DLEU7: variants seen among roughly 807,000 people sequenced by gnomAD.
DLEU7 encodes leukemia-associated protein 7.
Under a neutral mutation model 16.0 loss-of-function variants are expected in DLEU7, and 17 were observed. The observed-to-expected ratio is 1.06, with a 90% CI of 0.73 to 1.59. The LOEUF (loss-of-function observed/expected upper bound fraction) is 1.59. Among genes scored for constraint, DLEU7 ranks in the 40% most tolerant of loss-of-function variants. The probability of loss-of-function intolerance (pLI) is 0.00; values close to 1 mark genes in which losing one functional copy is unlikely to be tolerated. For missense variants in DLEU7, 308 were observed against 314.9 expected (o/e 0.98, Z 0.17); for synonymous variants, 113 against 139.8 (o/e 0.81, Z 1.35).
chr13:50,739,817 A>G (rs1874198797), intron 1 of DLEU7, among the ~76,000 whole-genome samples: 2 of 152,094 alleles, frequency 1.3e-5, no homozygotes, highest in Admixed American at 1.3e-4. Context: ...GCACAGTCCA[A>G]CCCTACCTAG....
chr13:50,733,700 C>T (rs1566232734), intron 1 of DLEU7, among the ~76,000 whole-genome samples: 1 of 152,168 alleles, frequency 6.6e-6, no homozygotes, highest in East Asian at 1.9e-4. Flanking sequence ...AACAATTCTC[C>T]TTCCACAGTT....
intron 1 of DLEU7, among the ~76,000 whole-genome samples, chr13:50,751,281 C>T (rs995509535): frequency 1.3e-5 from 2 of 152,152 alleles, no homozygotes; most frequent in African/African-American, 2.4e-5. Context: ...GTATGAAACC[C>T]ACTTGATCGT....
chr13:50,730,664 G>C (rs1016982436), intron 1 of DLEU7, among the ~76,000 whole-genome samples: 17 of 152,106 alleles, frequency 1.1e-4, no homozygotes, highest in African/African-American at 4.1e-4. Flanking sequence ...TGGAATTTCT[G>C]TGGTTGTGTT....
At chr13:50,724,740 G>A (rs193123312) in intron 1 of DLEU7, among the ~76,000 whole-genome samples, 22 of 152,184 alleles carry the variant, frequency 1.4e-4, no homozygotes, top group African/African-American at 4.8e-4. Flanking sequence ...CAGGCTATCG[G>A]CCCATCGCAT....
At chr13:50,764,584 C>G (rs545536536) in intron 1 of DLEU7, among the ~76,000 whole-genome samples, 1 of 152,298 alleles carries the variant, frequency 6.6e-6, no homozygotes, top group African/African-American at 2.4e-5. Flanking sequence ...CTATGAACCC[C>G]TAATCTTAGT....
chr13:50,724,984 G>A (rs2812237), intron 1 of DLEU7, among the ~76,000 whole-genome samples: 34,791 of 152,042 alleles, frequency 0.23, 4,603 homozygotes, highest in African/African-American at 0.35. Context: ...CCTTCCTACC[G>A]CAGGTGTTCC....
At chr13:50,755,754 A>AG (rs35989951) in intron 1 of DLEU7, among the ~76,000 whole-genome samples, 356 of 149,368 alleles carry the variant, frequency 2.4e-3, no homozygotes, top group Middle Eastern at 0.014. Context: ...TTTTTTTTTG[A>AG]GGGGGGGGGC....
At chr13:50,751,358 C>T (rs1222265482) in intron 1 of DLEU7, among the ~76,000 whole-genome samples, 1 of 152,236 alleles carries the variant, frequency 6.6e-6, no homozygotes. Context: ...ATTTTAGCAT[C>T]TATGTTCATC....
chr13:50,737,529 A>G (rs1874108875), intron 1 of DLEU7, among the ~76,000 whole-genome samples: 1 of 152,078 alleles, frequency 6.6e-6, no homozygotes, highest in African/African-American at 2.4e-5. Flanking sequence ...AATAATTCAA[A>G]CTTTTTAATT....
intron 1 of DLEU7, among the ~76,000 whole-genome samples, chr13:50,783,285 C>T (rs1875705437): frequency 6.6e-6 from 1 of 152,192 alleles, no homozygotes; most frequent in African/African-American, 2.4e-5. Context: ...CCAGAGATGG[C>T]CTTCCAAATA....
chr13:50,836,567 G>A (rs1020670180), intron 1 of DLEU7, among the ~76,000 whole-genome samples: 8 of 151,980 alleles, frequency 5.3e-5, no homozygotes, highest in Non-Finnish European at 1.2e-4. Flanking sequence ...CCAGCTACTC[G>A]GGAGGCTGAG....
At position 50,726,364 on chromosome 13, in the gene DLEU7, C is replaced by T. The variant is rs796415154; in HGVS notation, c.460-13124G>A. ...TTTACTTCTCCAACTTCAACAGCTT[C>T]TACCCAAATCCCCCTGGGAACCAGC... On this transcript the variant is annotated intron_variant, in intron 1 of 1. Coordinates refer to the DLEU7 transcript ENST00000400393. This position sits in a 1 kb window ranked among gnomAD's most constrained non-coding sequence, Gnocchi z 4.0. Among the ~76,000 whole-genome samples, 1 of 151,952 alleles carries T rather than the reference C, an allele frequency of 6.6e-6. No individual in the cohort carries two copies. Among genetic ancestry groups the T allele is most frequent in the Non-Finnish European group, 1.5e-5 (1 of 67,972 alleles).
At chr13:50,774,118 T>C (rs982539157) in intron 1 of DLEU7, among the ~76,000 whole-genome samples, 3 of 152,088 alleles carry the variant, frequency 2.0e-5, no homozygotes, top group African/African-American at 7.2e-5. Flanking sequence ...CTAAGACTGT[T>C]GGAAAAGCAC....
downstream of DLEU7, among the ~76,000 whole-genome samples, chr13:50,820,953 T>G (rs1160584227): frequency 6.6e-6 from 1 of 152,180 alleles, no homozygotes; most frequent in East Asian, 1.9e-4. Context: ...AAAGCCAGTG[T>G]GCATTTTACA....
At chr13:50,795,723 T>C (rs1199959345) in intron 1 of DLEU7, among the ~76,000 whole-genome samples, 2 of 152,216 alleles carry the variant, frequency 1.3e-5, no homozygotes, top group African/African-American at 4.8e-5. Flanking sequence ...TAATATTATT[T>C]TTATCAGCAA....
chr13:50,764,184 TATAAG>T (rs1480937419), intron 1 of DLEU7, among the ~76,000 whole-genome samples: 2 of 152,200 alleles, frequency 1.3e-5, no homozygotes, highest in African/African-American at 2.4e-5. Context: ...TCATCTATAA[TATAAG>T]AATTCCTCCC....
chr13:50,787,756 C>T (rs963501431), intron 1 of DLEU7, among the ~76,000 whole-genome samples: 3 of 151,898 alleles, frequency 2.0e-5, no homozygotes, highest in Non-Finnish European at 4.4e-5. Flanking sequence ...ATAGCAGCAC[C>T]CAAGACTCCC....
At chr13:50,816,431 T>A (rs1876737076) in intron 1 of DLEU7, among the ~76,000 whole-genome samples, 1 of 152,092 alleles carries the variant, frequency 6.6e-6, no homozygotes, top group Non-Finnish European at 1.5e-5. Flanking sequence ...CAAGGGAATA[T>A]ATAAAAAATG....
intron 1 of DLEU7, among the ~76,000 whole-genome samples, chr13:50,797,545 G>A (rs765757173): frequency 2.0e-5 from 3 of 152,170 alleles, no homozygotes; most frequent in Non-Finnish European, 2.9e-5. Context: ...AAGAGTAGAT[G>A]TTAGTTTCTT....
Sources: gnomAD v4.1 joint callset for allele counts (sites outside exome capture counted in the v4.1 genomes callset) on GRCh38, gnomAD v4.1.1 for gene constraint, Gnocchi (gnomAD v3.1) non-coding constraint, MANE v1.5 for transcripts, NCBI Gene and HGNC (gene_info 2026-07-23, HGNC 2026-07-21) for gene names.